The following ARHGAP6 variants were observed in gnomAD, a reference collection of about 807,000 sequenced individuals.
ARHGAP6 encodes rho GTPase-activating protein 6.
In ARHGAP6, 16 loss-of-function variants were observed where a neutral mutation model predicts 55.7. The observed-to-expected ratio is 0.29, with a 90% CI of 0.19 to 0.44. ARHGAP6 has a LOEUF of 0.44. Among genes scored for constraint, ARHGAP6 ranks in the 20% least tolerant of loss-of-function variants. The pLI, the probability that ARHGAP6 is intolerant of heterozygous loss-of-function variation, is 1.00. For missense variants in ARHGAP6, 698 were observed against 808.9 expected (o/e 0.86, Z 1.66); for synonymous variants, 382 against 360.9 (o/e 1.06, Z -0.66).
At chrX:11,483,724 A>C (rs923705491) in intron 1 of ARHGAP6, among the ~76,000 whole-genome samples, 3 of 111,537 alleles carry the variant, frequency 2.7e-5, no homozygotes, top group African/African-American at 9.8e-5. Flanking sequence ...CTGAGATGAA[A>C]GGCAATCATA....
At chrX:11,626,574 A>ATGG (rs1287949754) in intron 1 of ARHGAP6, among the ~76,000 whole-genome samples, 1 of 112,108 alleles carries the variant, frequency 8.9e-6, no homozygotes, top group Non-Finnish European at 1.9e-5. Flanking sequence ...GAATGCAAGG[A>ATGG]TGGTTCAATG....
intron 1 of ARHGAP6, among the ~76,000 whole-genome samples, chrX:11,262,506 G>A (rs1386997435): frequency 8.9e-6 from 1 of 111,782 alleles, no homozygotes; most frequent in African/African-American, 3.3e-5. Flanking sequence ...CTTGGGGCTA[G>A]TCTCTAACTG....
intron 1 of ARHGAP6, among the ~76,000 whole-genome samples, chrX:11,436,762 T>A (rs2049990863): frequency 9.0e-6 from 1 of 110,817 alleles, no homozygotes; most frequent in African/African-American, 3.3e-5. Context: ...TGTAAGCTAA[T>A]TGAAAGAAGT....
At chrX:11,555,665 T>G (rs1308030489) in intron 1 of ARHGAP6, among the ~76,000 whole-genome samples, 1 of 110,819 alleles carries the variant, frequency 9.0e-6, no homozygotes, top group Non-Finnish European at 1.9e-5. Flanking sequence ...GAGAATCTCT[T>G]GAACCTGGGA....
intron 1 of ARHGAP6, among the ~76,000 whole-genome samples, chrX:11,426,892 G>C (rs773653230): frequency 9.1e-6 from 1 of 110,140 alleles, no homozygotes; most frequent in African/African-American, 3.3e-5. Context: ...GCAGTCCCTG[G>C]CACACAGTAG....
rs1243068324 is a variant in ARHGAP6, at chrX:11,304,783, T to C, written c.589-50076A>G. ...TTCATTTTTCTTTCTTTTACTTTTT[T>C]TTTTTTTTTTTTTTTTTTTTTTGAG... On this transcript the variant is annotated intron_variant, in intron 1 of 12. Transcript: ENST00000337414. Among the ~76,000 whole-genome samples, 5 of 72,323 alleles carry C rather than the reference T, an allele frequency of 6.9e-5. No homozygotes were observed. In the East Asian group the frequency reaches 1.6e-3, roughly 23 times the overall value. The allele number at this position is 72,323 out of a possible 115,157, so 62.8% of individuals were successfully genotyped here. A position where few individuals can be genotyped will look rare whatever the true frequency, so the allele number is the denominator to read the frequency against.
At chrX:11,187,828 A>C (rs1418148219) in intron 4 of ARHGAP6, among the ~76,000 whole-genome samples, 1 of 111,819 alleles carries the variant, frequency 8.9e-6, no homozygotes, top group Non-Finnish European at 1.9e-5. Flanking sequence ...CGAAGGTTCA[A>C]GACCAGTCTG....
intron 1 of ARHGAP6, among the ~76,000 whole-genome samples, chrX:11,563,530 A>C (rs781388789): frequency 3.6e-5 from 4 of 111,429 alleles, no homozygotes; most frequent in Non-Finnish European, 7.5e-5. Context: ...GTGCACATGC[A>C]TATAAGTACA....
rs373392241 is a variant in ARHGAP6, at chrX:11,202,704, A to G, written c.749-5708T>C. ...GCGCCTTTAATCCCAGCTACTCAGG[A>G]GACTGAGGCAGGAGAATCACAGGAA... is the stretch of plus-strand genomic sequence containing the variant. On this transcript the variant is annotated intron_variant, in intron 2 of 12. Coordinates refer to ENST00000337414, the MANE Select transcript of ARHGAP6 (RefSeq NM_013427.3). 6.0e-5 allele frequency among the ~76,000 whole-genome samples: 6 copies of G among 100,786 alleles called. No homozygotes were observed. In the East Asian group the frequency reaches 1.6e-3, roughly 27 times the overall value. 87.5% of individuals were successfully genotyped at this position (100,786 alleles called of 115,157 possible).
Position 11,188,847 on chromosome X carries a change from T to C in ARHGAP6, c.958A>G (p.Asn320Asp). ...GAGAGTTCTTTGTTTTGTCTTTTAT[T>C]TCCAAATGGGAGGAGGGAAGCCACA... ...DFVASLLPFG[N>D]KRQNKELSSS... The change falls in exon 4 of 13, where the codon AAT becomes GAT. Residue 320 changes from asparagine (N) to aspartate (D), a missense_variant. Transcript: ENST00000337414. 8.3e-7 allele frequency: 1 copy of C among 1,211,515 alleles called. No homozygotes were observed. Among genetic ancestry groups the C allele is most frequent in the Non-Finnish European group, 1.1e-6 (1 of 895,528 alleles).
intron 1 of ARHGAP6, among the ~76,000 whole-genome samples, chrX:11,378,623 C>T (rs981784498): frequency 4.5e-5 from 5 of 112,287 alleles, no homozygotes; most frequent in African/African-American, 1.6e-4. Flanking sequence ...TATTTACCTT[C>T]CTAAAATCCC....
At chrX:11,236,296 G>A (rs780989599) in intron 2 of ARHGAP6, among the ~76,000 whole-genome samples, 18 of 111,356 alleles carry the variant, frequency 1.6e-4, no homozygotes, top group Non-Finnish European at 1.9e-4. Context: ...GCTCGTGTGC[G>A]AACTCACTAT....
chrX:11,493,851 T>TTTTC (rs1182773718), intron 1 of ARHGAP6, among the ~76,000 whole-genome samples: 3 of 106,404 alleles, frequency 2.8e-5, no homozygotes, highest in African/African-American at 1.0e-4. Flanking sequence ...TTTTTTTTTT[T>TTTTC]TGAGATGGGT....
chrX:11,268,961 G>A (rs1396405418), intron 1 of ARHGAP6, among the ~76,000 whole-genome samples: 1 of 111,267 alleles, frequency 9.0e-6, no homozygotes, highest in Non-Finnish European at 1.9e-5. Flanking sequence ...TATAGCCAGC[G>A]TGAAAGGTTT....
intron 9 of ARHGAP6, chrX:11,169,008 T>C (rs2046053756): frequency 8.9e-6 from 1 of 112,081 alleles, no homozygotes; most frequent in South Asian, 3.8e-4. Flanking sequence ...ATACACAATG[T>C]TGGGCAAGAT....
intron 1 of ARHGAP6, among the ~76,000 whole-genome samples, chrX:11,499,425 CTTT>C (rs1211094080): frequency 8.9e-6 from 1 of 111,867 alleles, no homozygotes; most frequent in Non-Finnish European, 1.9e-5. Flanking sequence ...CACTGTAGGA[CTTT>C]TTTTCTATTA....
At chrX:11,617,082 C>T (rs763424748) in intron 1 of ARHGAP6, among the ~76,000 whole-genome samples, 1 of 112,071 alleles carries the variant, frequency 8.9e-6, no homozygotes, top group Non-Finnish European at 1.9e-5. Context: ...TGAAATGTGT[C>T]TAATCCATAT....
chrX:11,263,273 T>C (rs111240581), intron 1 of ARHGAP6, among the ~76,000 whole-genome samples: 7,661 of 110,948 alleles, frequency 0.069, 331 homozygotes, highest in African/African-American at 0.15. Context: ...GACAGGCTGG[T>C]TCCCTGTTGC....
At chrX:11,373,950 G>A (rs2049173094) in intron 1 of ARHGAP6, among the ~76,000 whole-genome samples, 1 of 111,889 alleles carries the variant, frequency 8.9e-6, no homozygotes, top group Admixed American at 9.5e-5. Flanking sequence ...CAGTGAGGAG[G>A]CAATGTCTTA....
Sources: allele counts gnomAD v4.1 joint callset (sites outside exome capture counted in the v4.1 genomes callset), GRCh38; gene constraint gnomAD v4.1.1; transcripts MANE v1.5; gene names NCBI Gene and HGNC (gene_info 2026-07-23, HGNC 2026-07-21).